EVC: variants seen among roughly 807,000 people sequenced by gnomAD.
EVC encodes the protein EvC ciliary complex subunit 1.
In EVC, 116 loss-of-function variants were observed where a neutral mutation model predicts 118.9. The ratio of observed to expected loss-of-function variants is 0.98; its 90% CI spans 0.84 to 1.14. The LOEUF (loss-of-function observed/expected upper bound fraction) is 1.14, where lower values mean the gene tolerates loss of function less well. Among genes scored for constraint, EVC ranks in the 50% most tolerant of loss-of-function variants. The pLI, the probability that EVC is intolerant of heterozygous loss-of-function variation, is 0.00. For missense variants in EVC, 1,401 were observed against 1,246.4 expected, an observed-to-expected ratio of 1.12 and a Z score of -1.87; for synonymous variants, 619 against 534.7, an observed-to-expected ratio of 1.16 and a Z score of -2.18.
the EVC span, chr4:5,825,872 T>TGCATA: frequency 1.9e-6 from 1 of 520,286 alleles, no homozygotes. The surrounding 1 kb of genome is among the most constrained non-coding windows in gnomAD (Gnocchi z 4.4). Context: ...TACACACACA[T>TGCATA]CTACATACCC....
rs1729417739 is a variant in EVC at position 5,746,809 on chromosome 4, C to G, written c.940-1339C>G. ...AGAGCTTTGGTGCCAAATCCTGGAT[C>G]CTGCCCATATTTAAGGAGGAGCGGA... is the stretch of plus-strand genomic sequence containing the variant. On this transcript the variant is annotated intron_variant, in intron 7 of 20. Coordinates refer to ENST00000264956, the MANE Select transcript of EVC (RefSeq NM_153717.3). This position sits in a 1 kb window ranked among gnomAD's most constrained non-coding sequence, Gnocchi z 5.8. Among the ~76,000 whole-genome samples the G allele has an allele frequency of 6.6e-6, 1 of 152,108 alleles. No homozygotes were observed. Among genetic ancestry groups the G allele is most frequent in the Admixed American group, 6.5e-5 (1 of 15,270 alleles).
At chr4:5,828,098 T>C in the EVC span, 1 of 985,434 alleles carries the variant, frequency 1.0e-6, no homozygotes, top group Non-Finnish European at 1.2e-6. Context: ...CGAGGGTTTC[T>C]GAGCCGTGAC....
In EVC at chr4:5,739,098, A is replaced by G. The variant is rs536485648; in HGVS notation, c.703-2618A>G. Among the ~76,000 whole-genome samples the G allele has an allele frequency of 3.1e-4, 47 of 152,144 alleles. No homozygotes were observed. In the South Asian group the frequency reaches 4.2e-3, roughly 13 times the overall value. Reference sequence around the variant, plus strand: ...GAGGTGGCCTGAAATCAACCCTACAATACCTCCATGGTATGCTTGTATTAT... The same window carrying G: ...GAGGTGGCCTGAAATCAACCCTACAGTACCTCCATGGTATGCTTGTATTAT... On this transcript the variant is annotated intron_variant, in intron 5 of 20. Coordinates refer to ENST00000264956, the MANE Select transcript of EVC (RefSeq NM_153717.3).
At chr4:5,727,034 A>G (rs1037248205) in intron 2 of EVC, among the ~76,000 whole-genome samples, 9 of 152,204 alleles carry the variant, frequency 5.9e-5, no homozygotes, top group East Asian at 5.8e-4. Flanking sequence ...ATAAATATAC[A>G]TGTGCATGTG....
chr4:5,752,142 G>A (rs1219007954), intron 8 of EVC, among the ~76,000 whole-genome samples: 1 of 152,080 alleles, frequency 6.6e-6, no homozygotes, highest in East Asian at 1.9e-4. Flanking sequence ...CTGGGAGTGG[G>A]GGGTGCAGAG....
chr4:5,733,895 G>A (rs1035265030), intron 5 of EVC, among the ~76,000 whole-genome samples: 4 of 152,132 alleles, frequency 2.6e-5, no homozygotes, highest in African/African-American at 9.7e-5. Flanking sequence ...CTGCAGGTGA[G>A]AAAACTGAGG....
intron 18 of EVC, 73 bp from the exon 19 acceptor site, chr4:5,809,445 C>A: frequency 1.5e-6 from 2 of 1,343,828 alleles, no homozygotes; most frequent in Non-Finnish European, 2.1e-6. Context: ...TGTCAGAATT[C>A]ACTCACGTGG....
chr4:5,825,126 C>A, the EVC span: 1 of 985,416 alleles, frequency 1.0e-6, no homozygotes, highest in Non-Finnish European at 1.2e-6. The surrounding 1 kb of genome is among the most constrained non-coding windows in gnomAD (Gnocchi z 4.4). Flanking sequence ...GAGCACATGC[C>A]CTGCAAATGG....
intron 2 of EVC, among the ~76,000 whole-genome samples, chr4:5,728,048 C>T (rs4384994): frequency 0.13 from 19,218 of 151,308 alleles, 1,678 homozygotes; most frequent in East Asian, 0.3. Context: ...ATTGACTTGG[C>T]GATGCGGGCT....
chr4:5,749,193 C>T lies in EVC; in HGVS notation c.1098+887C>T, dbSNP rs565285858. 6.6e-6 allele frequency among the ~76,000 whole-genome samples: 1 copy of T among 152,120 alleles called. No individual in the cohort carries two copies. The highest frequency in any genetic ancestry group is 1.9e-4 in the East Asian group (1 of 5,146). On this transcript the variant is annotated intron_variant, in intron 8 of 20. Coordinates refer to ENST00000264956, the MANE Select transcript of EVC (RefSeq NM_153717.3). The surrounding 1 kb of genome is among the most constrained non-coding windows in gnomAD (Gnocchi z 4.4). ...CCCTGGCATTGTGGGTTTTAAAACT[C>T]CCTGAACTATTCTGACGGGAGGCCA... is the stretch of plus-strand genomic sequence containing the variant.
downstream of EVC, among the ~76,000 whole-genome samples, chr4:5,814,590 G>A (rs552691693): frequency 9.2e-5 from 14 of 152,284 alleles, no homozygotes; most frequent in African/African-American, 3.4e-4. Flanking sequence ...TCTTTACCAT[G>A]GACCATGAGG....
intron 15 of EVC, among the ~76,000 whole-genome samples, chr4:5,800,812 T>C (rs1714830543): frequency 6.6e-6 from 1 of 151,322 alleles, no homozygotes; most frequent in African/African-American, 2.4e-5. Context: ...AGACCTGCAC[T>C]GCCACTCCGG....
intron 11 of EVC, among the ~76,000 whole-genome samples, chr4:5,778,667 G>A (rs1247581935): frequency 2.0e-5 from 3 of 152,130 alleles, no homozygotes; most frequent in Admixed American, 1.3e-4. Flanking sequence ...CATGTCCTTC[G>A]CCCACTTTTT....
intron 1 of EVC, among the ~76,000 whole-genome samples, chr4:5,717,323 G>GTT (rs992278800): frequency 1.3e-4 from 20 of 151,990 alleles, no homozygotes; most frequent in Middle Eastern, 3.2e-3. Flanking sequence ...TAATATTTTA[G>GTT]TTGTTTATTT....
chr4:5,741,539 G>C (rs1447932792), intron 5 of EVC, among the ~76,000 whole-genome samples, 177 bp from the exon 6 acceptor site: 1 of 152,144 alleles, frequency 6.6e-6, no homozygotes, highest in Non-Finnish European at 1.5e-5. Context: ...CCATTGTCAT[G>C]ATTTATAATC....
At chr4:5,761,346 A>G (rs1374533233) in intron 11 of EVC, among the ~76,000 whole-genome samples, 1 of 152,022 alleles carries the variant, frequency 6.6e-6, no homozygotes, top group Non-Finnish European at 1.5e-5. Flanking sequence ...AACCACCAAA[A>G]TGAATGACTG....
intron 12 of EVC, among the ~76,000 whole-genome samples, chr4:5,788,835 C>A (rs949384114): frequency 6.6e-6 from 1 of 152,204 alleles, no homozygotes; most frequent in African/African-American, 2.4e-5. Context: ...AACCCACAGG[C>A]TGCATGCAGC....
intron 15 of EVC, among the ~76,000 whole-genome samples, chr4:5,800,055 T>C (rs1714692106): frequency 6.6e-6 from 1 of 152,152 alleles, no homozygotes; most frequent in South Asian, 2.1e-4. Flanking sequence ...AAAGTAAAAG[T>C]AAAGTGAGGC....
chr4:5,809,884 A>T (rs975669690), intron 19 of EVC, among the ~76,000 whole-genome samples: 3 of 152,108 alleles, frequency 2.0e-5, no homozygotes, highest in African/African-American at 7.2e-5. Flanking sequence ...TAAAGTGGGG[A>T]TAAGCCCTCC....
Sources: allele counts gnomAD v4.1 joint callset (sites outside exome capture counted in the v4.1 genomes callset), GRCh38; gene constraint gnomAD v4.1.1; non-coding constraint Gnocchi (gnomAD v3.1); transcripts MANE v1.5; gene names NCBI Gene and HGNC (gene_info 2026-07-23, HGNC 2026-07-21).